CACNA1I: variants seen among roughly 807,000 people sequenced by gnomAD.
CACNA1I encodes calcium voltage-gated channel subunit alpha1 I, also known as voltage-dependent T-type calcium channel subunit alpha-1I.
CACNA1I carries 74 observed loss-of-function variants against 201.6 expected under a neutral mutation model. That is an observed-to-expected ratio of 0.37 (90% CI 0.30 to 0.45). CACNA1I has a LOEUF of 0.45. Among genes scored for constraint, CACNA1I ranks in the 20% least tolerant of loss-of-function variants. CACNA1I has a pLI of 1.00. For missense variants in CACNA1I, 2,346 were observed against 3,138.1 expected, an observed-to-expected ratio of 0.75 and a Z score of 6.03; for synonymous variants, 1,431 against 1,345.2, an observed-to-expected ratio of 1.06 and a Z score of -1.40.
chr22:39,607,085 G>C (rs1048195013), intron 3 of CACNA1I, among the ~76,000 whole-genome samples: 1 of 152,218 alleles, frequency 6.6e-6, no homozygotes, highest in Non-Finnish European at 1.5e-5. Flanking sequence ...CTCTGGGGGT[G>C]AGCCAGGGGT....
chr22:39,603,358 T>A (rs1160550581), intron 3 of CACNA1I, among the ~76,000 whole-genome samples: 1 of 152,262 alleles, frequency 6.6e-6, no homozygotes, highest in East Asian at 1.9e-4. Context: ...GACTTGGGCT[T>A]CTGAATCACA....
intron 3 of CACNA1I, among the ~76,000 whole-genome samples, chr22:39,602,087 T>G (rs1370235465): frequency 7.3e-5 from 6 of 82,514 alleles, no homozygotes; most frequent in African/African-American, 9.2e-5. Context: ...TTCCTTCTTT[T>G]TTTGAGATGG....
intron 7 of CACNA1I, among the ~76,000 whole-genome samples, chr22:39,644,553 G>A (rs745677847): frequency 1.1e-4 from 17 of 152,192 alleles, no homozygotes; most frequent in Non-Finnish European, 2.1e-4. Flanking sequence ...GGTCCAGAGA[G>A]CAAAGTCAGG....
chr22:39,595,230 AGTGAGCC>A (rs561253252), intron 1 of CACNA1I, among the ~76,000 whole-genome samples: 104 of 152,220 alleles, frequency 6.8e-4, no homozygotes, highest in African/African-American at 2.4e-3. Flanking sequence ...CGGAGGTTGC[AGTGAGCC>A]GAGATCACGC....
intron 34 of CACNA1I, among the ~76,000 whole-genome samples, chr22:39,682,047 G>A (rs540057892): frequency 6.4e-4 from 98 of 152,248 alleles, no homozygotes; most frequent in African/African-American, 1.5e-3. Context: ...GCATTAAGGC[G>A]GCTCTTCTGG....
chr22:39,653,446 G>A (rs1424689752), intron 10 of CACNA1I, among the ~76,000 whole-genome samples: 3 of 152,160 alleles, frequency 2.0e-5, no homozygotes, highest in Admixed American at 6.5e-5. Context: ...GAAATGATCC[G>A]CCCCCATGTT....
chr22:39,655,064 C>T (rs1335311707), intron 10 of CACNA1I, among the ~76,000 whole-genome samples: 1 of 152,176 alleles, frequency 6.6e-6, no homozygotes, highest in African/African-American at 2.4e-5. Context: ...CTGACTTCAA[C>T]ACAGCCTGGC....
In CACNA1I at chr22:39,647,852, G is replaced by C; in HGVS notation, c.1493G>C (p.Gly498Ala). The change falls in exon 9 of 37, where the codon GGG becomes GCG. Residue 498 changes from glycine (G) to alanine (A), a missense_variant. Transcript: ENST00000402142. ...HGKTKGQGDEGRHLGSRHCQT... is the reference protein window; with the variant it reads ...HGKTKGQGDEARHLGSRHCQT... Reference sequence around the variant, plus strand: ...AAGACTAAGGGTCAGGGAGATGAAGGGAGACATCTCGGAAGCCGGCATTGC... The same window carrying C: ...AAGACTAAGGGTCAGGGAGATGAAGCGAGACATCTCGGAAGCCGGCATTGC... 1 of 1,611,760 alleles carries C rather than the reference G, an allele frequency of 6.2e-7. No individual in the cohort carries two copies. The highest frequency in any genetic ancestry group is 8.5e-7 in the Non-Finnish European group (1 of 1,178,046).
Position 39,659,571 on chromosome 22 carries a change from C to A in CACNA1I, c.2448+21C>A. 1 of 1,603,762 alleles carries A rather than the reference C, an allele frequency of 6.2e-7. No individual in the cohort carries two copies. ...TCCAGGTGAGTGGCCGCTGCGTGTT[C>A]ATGTTTGCTGGGGAAGCGATGGGAC... On this transcript the variant is annotated intron_variant, in intron 13 of 36. Transcript: ENST00000402142. The surrounding 1 kb of genome is among the most constrained non-coding windows in gnomAD (Gnocchi z 4.3).
At position 39,661,972 on chromosome 22, in the gene CACNA1I, C is replaced by T; in HGVS notation, c.2909C>T (p.Ser970Phe). Reference protein sequence around the residue: ...MSYDQRSLSSSRSSYYGPWGR... With the variant: ...MSYDQRSLSSFRSSYYGPWGR... The stretch of plus-strand genomic sequence containing the variant: ...AACGGGAACTCCTTCCAGTCCAGCT[C>T]CCGGAGCTCCTACTACGGGCCATGG... The change falls in exon 17 of 37, where the codon TCC (serine) becomes TTC (phenylalanine). Residue 970 changes from serine (S) to phenylalanine (F), a missense_variant. Around this residue, in one of 13 missense-constraint regions of CACNA1I, gnomAD observed 288 missense variants for 255.2 expected, o/e 1.13. Transcript: ENST00000402142. 6.5e-7 allele frequency: 1 copy of T among 1,534,088 alleles called. No homozygotes were observed. Among genetic ancestry groups the T allele is most frequent in the Non-Finnish European group, 8.7e-7 (1 of 1,146,020 alleles).
intron 2 of CACNA1I, among the ~76,000 whole-genome samples, chr22:39,600,194 A>G (rs1265407402): frequency 6.6e-6 from 1 of 152,072 alleles, no homozygotes; most frequent in African/African-American, 2.4e-5. Flanking sequence ...GTGCTTGGTA[A>G]TTATTAGGGA....
In CACNA1I at chr22:39,648,849, C is replaced by T. The variant is rs759139190; in HGVS notation, c.1568-652C>T. Among the ~76,000 whole-genome samples the T allele has an allele frequency of 5.3e-5, 8 of 152,042 alleles. No individual in the cohort carries two copies. Among genetic ancestry groups the T allele is most frequent in the Admixed American group, 4.6e-4 (7 of 15,262 alleles). On this transcript the variant is annotated intron_variant, in intron 9 of 36. Transcript: ENST00000402142. The surrounding 1 kb of genome is among the most constrained non-coding windows in gnomAD (Gnocchi z 5.4). Reference sequence around the variant, plus strand: ...CCAGCCCAGGCGTCTCCTGTGATTCCGGGGCAGCAAAGGGATGAAGTTCCC... The same window carrying T: ...CCAGCCCAGGCGTCTCCTGTGATTCTGGGGCAGCAAAGGGATGAAGTTCCC...
In CACNA1I at chr22:39,662,821, G is replaced by A; in HGVS notation, c.3418G>A (p.Asp1140Asn). ...CAAGATGATCGACGTCTATAAGCCC[G>A]ACTGGTGCGAGGTCCGCGAAGACTG... The part of the protein sequence containing the change: ...VRKMIDVYKP[D>N]WCEVREDWSV... Residue 1140 changes from aspartate to asparagine, a missense_variant, in exon 18 of 37, where the codon GAC becomes AAC. Coordinates refer to ENST00000402142, the MANE Select transcript of CACNA1I (RefSeq NM_021096.4). 1 of 1,602,390 alleles carries A rather than the reference G, an allele frequency of 6.2e-7. No individual in the cohort carries two copies. Among genetic ancestry groups the A allele is most frequent in the Non-Finnish European group, 8.5e-7 (1 of 1,175,144 alleles).
chr22:39,668,990 G>T (rs573088276), intron 24 of CACNA1I, among the ~76,000 whole-genome samples: 1 of 152,258 alleles, frequency 6.6e-6, no homozygotes, highest in East Asian at 1.9e-4. Flanking sequence ...GAGGGGGATT[G>T]GGTGGAGGAA....
rs1179702794 is a variant in CACNA1I, at chr22:39,665,308, C to T, written c.3852-190C>T. On this transcript the variant is annotated intron_variant, in intron 21 of 36. Transcript: ENST00000402142. This position sits in a 1 kb window ranked among gnomAD's most constrained non-coding sequence, Gnocchi z 5.5. ...GGTGCAGCTTGCCTCCTGCTCTGCCCGTGTCTGGGCTGCCTGGCCACTTTC... is the reference window on the plus strand; with the variant it reads ...GGTGCAGCTTGCCTCCTGCTCTGCCTGTGTCTGGGCTGCCTGGCCACTTTC... 2.6e-5 allele frequency among the ~76,000 whole-genome samples: 4 copies of T among 152,112 alleles called. No individual in the cohort carries two copies. Among genetic ancestry groups the T allele is most frequent in the Non-Finnish European group, 4.4e-5 (3 of 67,992 alleles).
At chr22:39,642,392 T>C (rs1451740645) in intron 6 of CACNA1I, among the ~76,000 whole-genome samples, 2 of 151,642 alleles carry the variant, frequency 1.3e-5, no homozygotes, top group Admixed American at 1.3e-4. Context: ...ACTCCCAGGC[T>C]CCACCGAGCT....
intron 3 of CACNA1I, among the ~76,000 whole-genome samples, chr22:39,617,524 C>A (rs532072318): frequency 1.3e-5 from 2 of 152,194 alleles, no homozygotes; most frequent in East Asian, 3.9e-4. Context: ...TGGCTGCCTG[C>A]GATGGGACTC....
At chr22:39,603,140 C>T (rs2146372942) in intron 3 of CACNA1I, among the ~76,000 whole-genome samples, 1 of 132,514 alleles carries the variant, frequency 7.5e-6, no homozygotes, top group East Asian at 2.0e-4. Flanking sequence ...TTCAACAAAG[C>T]AAGACCCTGT....
At chr22:39,597,435 G>T (rs972014649) in intron 1 of CACNA1I, among the ~76,000 whole-genome samples, 10 of 152,170 alleles carry the variant, frequency 6.6e-5, no homozygotes, top group Admixed American at 6.5e-5. Context: ...TGCAGGAGGG[G>T]AGCCCATTCA....
Sources: gnomAD v4.1 joint callset for allele counts (sites outside exome capture counted in the v4.1 genomes callset) on GRCh38, gnomAD v4.1.1 for gene constraint, gnomAD v4.1.1 regional missense constraint, Gnocchi (gnomAD v3.1) non-coding constraint, MANE v1.5 for transcripts, NCBI Gene and HGNC (gene_info 2026-07-23, HGNC 2026-07-21) for gene names.